PRR14L: variants seen among roughly 807,000 people sequenced by gnomAD.
PRR14L encodes protein PRR14L.
Under a neutral mutation model 155.0 loss-of-function variants are expected in PRR14L, and 80 were observed. That is an observed-to-expected ratio of 0.52 (90% confidence interval 0.43 to 0.62). The LOEUF (loss-of-function observed/expected upper bound fraction) is 0.62. Among genes scored for constraint, PRR14L ranks in the 20% least tolerant of loss-of-function variants. The pLI, the probability that PRR14L is intolerant of heterozygous loss-of-function variation, is 0.00. For synonymous variants in PRR14L, 883 were observed against 916.0 expected (o/e 0.96, Z 0.65); for missense variants, 2,469 against 2,548.0 (o/e 0.97, Z 0.67).
At chr22:31,687,296 A>G (rs2074486897) in intron 8 of PRR14L, among the ~76,000 whole-genome samples, 1 of 151,138 alleles carries the variant, frequency 6.6e-6, no homozygotes, top group Non-Finnish European at 1.5e-5. Context: ...TTGGCCTCCC[A>G]AAGTGCTTGA....
At chr22:31,749,025 C>G (rs1220304962) in intron 1 of PRR14L, among the ~76,000 whole-genome samples, 1 of 152,140 alleles carries the variant, frequency 6.6e-6, no homozygotes, top group Non-Finnish European at 1.5e-5. Context: ...AAATATGCTT[C>G]TCTGTGCAAG....
chr22:31,746,940 G>A (rs1380718187), intron 1 of PRR14L, among the ~76,000 whole-genome samples: 1 of 151,688 alleles, frequency 6.6e-6, no homozygotes, highest in African/African-American at 2.4e-5. Flanking sequence ...GGGACTACAG[G>A]TGCCCGCCAC....
At chr22:31,741,785 T>C (rs1240793847) in intron 1 of PRR14L, among the ~76,000 whole-genome samples, 1 of 151,856 alleles carries the variant, frequency 6.6e-6, no homozygotes, top group Admixed American at 6.6e-5. Context: ...GGCAGAAGAA[T>C]TGCTTGAACC....
At chr22:31,688,292 T>C in intron 7 of PRR14L, 65 bp from the exon 8 acceptor site, 1 of 1,461,188 alleles carries the variant, frequency 6.8e-7, no homozygotes, top group Non-Finnish European at 9.0e-7. Context: ...AGAGAAGGTC[T>C]TGCTCTGTTG....
At chr22:31,722,353 C>T (rs1466007089) in intron 3 of PRR14L, among the ~76,000 whole-genome samples, 1 of 151,266 alleles carries the variant, frequency 6.6e-6, no homozygotes, top group Non-Finnish European at 1.5e-5. Flanking sequence ...TTGCTTGAAC[C>T]CGGCAGGCGG....
chr22:31,723,024 T>C (rs903152295), intron 3 of PRR14L, among the ~76,000 whole-genome samples: 1 of 152,148 alleles, frequency 6.6e-6, no homozygotes, highest in Non-Finnish European at 1.5e-5. Context: ...CAGAATCTTC[T>C]TCTCTGGCTT....
At chr22:31,704,838 G>A (rs2147858727) in intron 4 of PRR14L, 112 bp from the exon 5 acceptor site, 1 of 704,818 alleles carries the variant, frequency 1.4e-6, no homozygotes, top group South Asian at 1.8e-5. Context: ...GACAAGAAAT[G>A]TCAGTTACTC....
intron 7 of PRR14L, among the ~76,000 whole-genome samples, chr22:31,698,706 G>T (rs2074547865): frequency 6.6e-6 from 1 of 151,910 alleles, no homozygotes; most frequent in Admixed American, 6.6e-5. Flanking sequence ...GGATCACGGG[G>T]TCAGGAGATC....
chr22:31,688,042 AAAG>A, intron 8 of PRR14L, 111 bp downstream of exon 8: 5 of 1,087,954 alleles, frequency 4.6e-6, no homozygotes, highest in South Asian at 1.5e-5. Flanking sequence ...AAAAAAAAAA[AAAG>A]ACCCAATATT....
rs1163361955 is a variant in PRR14L, at chr22:31,714,939, T to C, written c.2900A>G (p.Asp967Gly). 1 of 1,552,060 alleles carries C rather than the reference T, an allele frequency of 6.4e-7. No homozygotes were observed. Among genetic ancestry groups the C allele is most frequent in the South Asian group, 1.2e-5 (1 of 84,064 alleles). Residue 967 changes from aspartate to glycine, a missense_variant, in exon 4 of 9, where the codon GAT (aspartate) becomes GGT (glycine). Coordinates refer to ENST00000327423, the MANE Select transcript of PRR14L (RefSeq NM_173566.3). Reference sequence around the variant, plus strand: ...GTTACTCTGACAGTCAAGGACTTCATCTGCCTTCTGATCGAGTGTTTCAAC... The same window carrying C: ...GTTACTCTGACAGTCAAGGACTTCACCTGCCTTCTGATCGAGTGTTTCAAC... Reference protein sequence around the residue: ...KSVETLDQKADEVLDCQSNQN... With the variant: ...KSVETLDQKAGEVLDCQSNQN...
intron 3 of PRR14L, among the ~76,000 whole-genome samples, chr22:31,717,981 G>A (rs1423001541): frequency 6.7e-6 from 1 of 149,390 alleles, no homozygotes. Flanking sequence ...AGGCTGGAGT[G>A]CAGTGGCACG....
intron 1 of PRR14L, among the ~76,000 whole-genome samples, chr22:31,739,694 T>G (rs2074802109): frequency 6.6e-6 from 1 of 152,196 alleles, no homozygotes; most frequent in Non-Finnish European, 1.5e-5. Context: ...CATGGTTGTC[T>G]GAGAGGATGA....
intron 1 of PRR14L, among the ~76,000 whole-genome samples, chr22:31,741,461 T>A (rs1375807195): frequency 6.7e-6 from 1 of 149,958 alleles, no homozygotes; most frequent in Non-Finnish European, 1.5e-5. Flanking sequence ...GACTCCCATC[T>A]CAAAGAAAAA....
intron 4 of PRR14L, among the ~76,000 whole-genome samples, chr22:31,707,386 C>G (rs1240442861): frequency 6.6e-6 from 1 of 151,912 alleles, no homozygotes; most frequent in African/African-American, 2.4e-5. Flanking sequence ...GTGGCACAAC[C>G]TATTTTTTTT....
intron 3 of PRR14L, among the ~76,000 whole-genome samples, chr22:31,720,820 T>C (rs1303154523): frequency 2.0e-5 from 3 of 152,200 alleles, no homozygotes; most frequent in Non-Finnish European, 4.4e-5. Flanking sequence ...CTTTCACCTC[T>C]TCCTCAAAAT....
intron 4 of PRR14L, among the ~76,000 whole-genome samples, chr22:31,709,829 C>T (rs749333222): frequency 9.9e-5 from 15 of 151,754 alleles, no homozygotes; most frequent in Admixed American, 2.6e-4. Flanking sequence ...GCACGAGCCA[C>T]GGTGCCCAGC....
Position 31,712,778 on chromosome 22 carries a change from G to A in PRR14L, c.5061C>T (p.Pro1687=). The A allele has an allele frequency of 6.4e-7, 1 of 1,551,950 alleles. No homozygotes were observed. The highest frequency in any genetic ancestry group is 8.7e-7 in the Non-Finnish European group (1 of 1,147,038). Reference sequence around the variant, plus strand: ...TGGATTCGAGAGAATAAAGTGCCATGGGCTTACTGTTAGGCCTCTTATCCC... The same window carrying A: ...TGGATTCGAGAGAATAAAGTGCCATAGGCTTACTGTTAGGCCTCTTATCCC... The part of the protein sequence containing the change: ...SGWDKRPNSK[P]MALYSLESIK... Residue 1687 remains proline (P), a synonymous_variant, in exon 4 of 9, where the codon CCC becomes CCT. Transcript: ENST00000327423.
chr22:31,740,244 G>C (rs1045245135), intron 1 of PRR14L, among the ~76,000 whole-genome samples: 1 of 151,546 alleles, frequency 6.6e-6, no homozygotes, highest in African/African-American at 2.4e-5. Flanking sequence ...TTTTGAGATG[G>C]AGTCTCACTC....
At chr22:31,746,652 G>C (rs576469570) in intron 1 of PRR14L, among the ~76,000 whole-genome samples, 1 of 152,288 alleles carries the variant, frequency 6.6e-6, no homozygotes, top group East Asian at 1.9e-4. Flanking sequence ...AATGTGTAGG[G>C]AATGGATTTA....
Sources: gnomAD v4.1 joint callset for allele counts (sites outside exome capture counted in the v4.1 genomes callset) on GRCh38, gnomAD v4.1.1 for gene constraint, MANE v1.5 for transcripts, NCBI Gene and HGNC (gene_info 2026-07-23, HGNC 2026-07-21) for gene names.